The following ATP10A variants were observed in gnomAD, a reference collection of about 807,000 sequenced individuals.
ATP10A encodes the protein phospholipid-transporting ATPase VA.
In ATP10A, 111 loss-of-function variants were observed where a neutral mutation model predicts 147.8. The observed-to-expected ratio is 0.75, with a 90% CI of 0.64 to 0.88. The LOEUF (loss-of-function observed/expected upper bound fraction) is 0.88. Ranked by LOEUF, ATP10A falls within the 40% of genes least tolerant of loss-of-function variation. The pLI is 0.00. For missense variants in ATP10A, 1,927 were observed against 1,959.0 expected (o/e 0.98, Z 0.31); for synonymous variants, 875 against 841.6 (o/e 1.04, Z -0.69).
rs1040842634 is a variant in ATP10A, at chr15:25,708,008, G to A, written c.2543C>T (p.Ala848Val). The change falls in exon 12 of 21, where the codon GCC becomes GTC. Residue 848 changes from alanine to valine, a missense_variant. Transcript: ENST00000555815. Reference protein sequence around the residue: ...ENSEELLFQSAIRLETNLHLL... With the variant: ...ENSEELLFQSVIRLETNLHLL... ...GTGCAGGTTGGTCTCCAGGCGAATG[G>A]CAGACTGGAAGAGGAGCTCCTCGCT... 1.2e-6 allele frequency: 2 copies of A among 1,614,072 alleles called. No homozygotes were observed. Among genetic ancestry groups the A allele is most frequent in the Non-Finnish European group, 1.7e-6 (2 of 1,180,044 alleles).
intron 1 of ATP10A, among the ~76,000 whole-genome samples, chr15:25,846,437 C>A (rs1893027313): frequency 6.6e-6 from 1 of 152,212 alleles, no homozygotes; most frequent in Non-Finnish European, 1.5e-5. Flanking sequence ...CAGTGACAAG[C>A]CCCAAGTTAG....
intron 1 of ATP10A, among the ~76,000 whole-genome samples, chr15:25,826,052 TCAACAGCA>T (rs2140856912): frequency 6.6e-6 from 1 of 152,208 alleles, no homozygotes; most frequent in South Asian, 2.1e-4. Flanking sequence ...TTTGAAGATC[TCAACAGCA>T]GATTTCTGAG....
chr15:25,835,212 A>G (rs1449360647), intron 1 of ATP10A, among the ~76,000 whole-genome samples: 1 of 152,126 alleles, frequency 6.6e-6, no homozygotes, highest in Non-Finnish European at 1.5e-5. Context: ...TCCAGGTTCC[A>G]ATAAGTGATG....
chr15:25,720,290 G>C (rs1341687931), intron 7 of ATP10A, among the ~76,000 whole-genome samples: 1 of 152,166 alleles, frequency 6.6e-6, no homozygotes, highest in East Asian at 1.9e-4. Context: ...CTGTCACTTT[G>C]CTTGCCTATC....
chr15:25,761,259 C>T (rs1434181985), intron 2 of ATP10A, among the ~76,000 whole-genome samples: 1 of 152,142 alleles, frequency 6.6e-6, no homozygotes, highest in African/African-American at 2.4e-5. Context: ...CAGTGGTTGT[C>T]CGGGGCCACT....
chr15:25,672,509 T>G (rs1309692906), downstream of ATP10A, among the ~76,000 whole-genome samples: 1 of 152,220 alleles, frequency 6.6e-6, no homozygotes, highest in Non-Finnish European at 1.5e-5. Flanking sequence ...CCTGGAACTG[T>G]AACTGCTGGA....
chr15:25,807,099 T>C (rs73366999), intron 1 of ATP10A, among the ~76,000 whole-genome samples: 7,511 of 152,326 alleles, frequency 0.049, 227 homozygotes, highest in African/African-American at 0.094. Flanking sequence ...TTCATGGCTT[T>C]TAAGGAATGG....
chr15:25,749,142 T>C (rs1888016453), intron 2 of ATP10A, among the ~76,000 whole-genome samples: 1 of 151,522 alleles, frequency 6.6e-6, no homozygotes, highest in Non-Finnish European at 1.5e-5. Flanking sequence ...TATGTCTCTA[T>C]AGACTGTATG....
At chr15:25,680,664 T>G (rs1008221501) in intron 19 of ATP10A, 146 bp downstream of exon 19, 9 of 795,442 alleles carry the variant, frequency 1.1e-5, no homozygotes, top group African/African-American at 1.7e-5. Context: ...CGGGAATGTG[T>G]CATTGTCCTT....
At chr15:25,793,583 G>T (rs1036967754) in intron 1 of ATP10A, among the ~76,000 whole-genome samples, 1 of 152,208 alleles carries the variant, frequency 6.6e-6, no homozygotes, top group Non-Finnish European at 1.5e-5. Context: ...AGTTCTGTTT[G>T]TCCAAACCCT....
chr15:25,808,186 C>T (rs1567400603), intron 1 of ATP10A, among the ~76,000 whole-genome samples: 1 of 152,176 alleles, frequency 6.6e-6, no homozygotes, highest in Non-Finnish European at 1.5e-5. Flanking sequence ...GGGTCTAAGG[C>T]TTGTTCTCAT....
intron 1 of ATP10A, among the ~76,000 whole-genome samples, chr15:25,842,449 C>T (rs1220803485): frequency 5.3e-5 from 8 of 152,130 alleles, no homozygotes; most frequent in South Asian, 4.2e-4. Flanking sequence ...CTTGTAATCA[C>T]GGGGAGGAGC....
intron 2 of ATP10A, among the ~76,000 whole-genome samples, chr15:25,780,713 G>A (rs148338223): frequency 4.7e-4 from 71 of 152,294 alleles, no homozygotes; most frequent in African/African-American, 1.4e-3. Flanking sequence ...AGCTAGGTAC[G>A]TGTTGACCAT....
In ATP10A at chr15:25,853,935, C is replaced by T. The variant is rs116325301; in HGVS notation, c.449+8713G>A. Among the ~76,000 whole-genome samples, 1,158 of 148,890 alleles carry T rather than the reference C, an allele frequency of 7.8e-3. 19 individuals carry two copies. Among genetic ancestry groups the T allele is most frequent in the African/African-American group, 0.027 (1,100 of 40,388 alleles). ...CCGGCCTGGGCAACAGAGTTAGACC[C>T]TGTCTCAGAAAAAAAAAGAAAAAAA... On this transcript the variant is annotated intron_variant, in intron 1 of 20. Transcript: ENST00000555815.
In ATP10A at chr15:25,713,964, T is replaced by A. The variant is rs575254077; in HGVS notation, c.2054A>T (p.Gln685Leu). 21 of 1,610,276 alleles carry A rather than the reference T, an allele frequency of 1.3e-5. 1 individual carries two copies. The Admixed American group carries it at 2.2e-4, about 17-fold the overall frequency. ...GTACCGCAGCTCGCGCTCTGACTCC[T>A]GCTCCTGAGCAAGCTCCGAGGCCCA... The part of the protein sequence containing the change: ...DNWASELAQE[Q>L]ESERELRYEA... Residue 685 changes from glutamine to leucine, a missense_variant, in exon 10 of 21, where the codon CAG becomes CTG. Physicochemically the swap from Gln to Leu is moderately radical, Grantham distance 113. Transcript: ENST00000555815.
At chr15:25,858,395 G>T (rs1414522074) in intron 1 of ATP10A, among the ~76,000 whole-genome samples, 1 of 152,164 alleles carries the variant, frequency 6.6e-6, no homozygotes, top group Non-Finnish European at 1.5e-5. Flanking sequence ...GTGCCACAGA[G>T]GAAGAGATGA....
At chr15:25,829,603 A>G (rs1226020291) in intron 1 of ATP10A, among the ~76,000 whole-genome samples, 1 of 152,196 alleles carries the variant, frequency 6.6e-6, no homozygotes, top group Non-Finnish European at 1.5e-5. Flanking sequence ...GTCAGACTGT[A>G]GTAAGATAAA....
intron 2 of ATP10A, among the ~76,000 whole-genome samples, chr15:25,775,483 C>T (rs1473409437): frequency 2.0e-5 from 3 of 152,184 alleles, no homozygotes; most frequent in Non-Finnish European, 2.9e-5. Flanking sequence ...TCACTGCTGA[C>T]CTGACTGTGA....
intron 1 of ATP10A, among the ~76,000 whole-genome samples, chr15:25,785,951 C>T (rs1890139850): frequency 2.0e-5 from 3 of 152,218 alleles, no homozygotes; most frequent in Admixed American, 2.0e-4. Context: ...GGGGTCCGGT[C>T]TCCGGAGGTG....
Sources: allele counts gnomAD v4.1 joint callset (sites outside exome capture counted in the v4.1 genomes callset), GRCh38; gene constraint gnomAD v4.1.1; transcripts MANE v1.5; gene names NCBI Gene and HGNC (gene_info 2026-07-23, HGNC 2026-07-21).